Variants in COLQ observed in about 807,000 individuals in gnomAD.
COLQ encodes acetylcholinesterase collagenic tail peptide.
In COLQ, 48 loss-of-function variants were observed where a neutral mutation model predicts 69.0. The ratio of observed to expected loss-of-function variants is 0.70; its 90% CI spans 0.55 to 0.88. The LOEUF (loss-of-function observed/expected upper bound fraction) is 0.88. Among genes scored for constraint, COLQ ranks in the 40% least tolerant of loss-of-function variants. The pLI is 0.00. For missense variants in COLQ, 618 were observed against 594.6 expected (o/e 1.04, Z -0.41); for synonymous variants, 217 against 211.2 (o/e 1.03, Z -0.24).
chr3:15,515,087 T>C lies in COLQ; in HGVS notation c.106+6433A>G, dbSNP rs75149845. Among the ~76,000 whole-genome samples, 516 of 152,316 alleles carry C rather than the reference T, an allele frequency of 3.4e-3. 15 individuals are homozygous for C. The East Asian group carries it at 0.042, about 12-fold the overall frequency. On this transcript the variant is annotated intron_variant, in intron 1 of 16. Coordinates refer to ENST00000383788, the MANE Select transcript of COLQ (RefSeq NM_005677.4). ...GCAGCTGGTTCACAAACTCCGTCTC[T>C]GTCCCACGTGTCTTTCATTCATCTC...
At chr3:15,515,760 C>A (rs1363564406) in intron 1 of COLQ, among the ~76,000 whole-genome samples, 1 of 152,092 alleles carries the variant, frequency 6.6e-6, no homozygotes, top group Non-Finnish European at 1.5e-5. Context: ...GAGCTGAGAT[C>A]GTGCCACTGC....
chr3:15,474,156 C>T (rs753904544), intron 9 of COLQ, 72 bp downstream of exon 9: 26 of 1,596,386 alleles, frequency 1.6e-5, no homozygotes, highest in South Asian at 4.4e-5. Context: ...CATCAGTCCA[C>T]GGATGGGGGT....
chr3:15,454,415 G>T (rs926027125), intron 15 of COLQ, among the ~76,000 whole-genome samples: 2 of 152,126 alleles, frequency 1.3e-5, no homozygotes, highest in Non-Finnish European at 2.9e-5. Context: ...ACGATGGGAG[G>T]GTGTTGGAGT....
intron 1 of COLQ, among the ~76,000 whole-genome samples, chr3:15,493,747 A>G (rs191432160): frequency 6.6e-6 from 1 of 152,218 alleles, no homozygotes; most frequent in Non-Finnish European, 1.5e-5. Flanking sequence ...AGGCTGTGGG[A>G]GGAGTTTCTC....
intron 1 of COLQ, among the ~76,000 whole-genome samples, chr3:15,507,678 C>T (rs1049010274): frequency 3.3e-5 from 5 of 152,152 alleles, no homozygotes; most frequent in African/African-American, 1.2e-4. Context: ...TGGTCTCAAA[C>T]ACTTGGGCTC....
At chr3:15,462,523 C>G (rs2062136177) in intron 12 of COLQ, among the ~76,000 whole-genome samples, 2 of 152,166 alleles carry the variant, frequency 1.3e-5, no homozygotes, top group Non-Finnish European at 2.9e-5. Context: ...ATGGTCCCAC[C>G]CTGCTTGGCT....
At chr3:15,495,496 T>G (rs1425337005) in intron 1 of COLQ, among the ~76,000 whole-genome samples, 1 of 152,210 alleles carries the variant, frequency 6.6e-6, no homozygotes, top group African/African-American at 2.4e-5. Context: ...TTAGCAAGGA[T>G]AGGAGAATGT....
At chr3:15,462,926 G>A (rs1218261919) in intron 12 of COLQ, among the ~76,000 whole-genome samples, 1 of 152,184 alleles carries the variant, frequency 6.6e-6, no homozygotes, top group Non-Finnish European at 1.5e-5. Flanking sequence ...CCTCTGAAGG[G>A]TAGAGGGCAG....
intron 1 of COLQ, 143 bp from the exon 2 acceptor site, chr3:15,489,780 T>C (rs1038620863): frequency 2.7e-5 from 19 of 708,754 alleles, no homozygotes; most frequent in African/African-American, 5.2e-5. Context: ...AGGCCTCCTG[T>C]TGGCTACTTG....
chr3:15,516,569 G>C (rs992011224), intron 1 of COLQ, among the ~76,000 whole-genome samples: 1 of 152,164 alleles, frequency 6.6e-6, no homozygotes. Context: ...AACCACATGT[G>C]TCTGCAGGGT....
At chr3:15,471,594 G>A (rs2062288410) in intron 10 of COLQ, among the ~76,000 whole-genome samples, 1 of 152,200 alleles carries the variant, frequency 6.6e-6, no homozygotes, top group Non-Finnish European at 1.5e-5. Flanking sequence ...ATGAAGAGCT[G>A]CCCAGACACT....
rs758190916 is a variant in COLQ, at chr3:15,474,134, CCATCAGTCCAT to C, written c.600+83_600+93del. ...GGTCATTTTCAAGATGGAGGCCTGT[CCATCAGTCCAT>C]CATCAGTCCACGGATGGGGGTGGGT... On this transcript the variant is annotated intron_variant, in intron 9 of 16. Transcript: ENST00000383788. 5.7e-5 allele frequency: 91 copies of C among 1,592,630 alleles called. No individual in the cohort carries two copies. The African/African-American group carries it at 9.6e-4, about 17-fold the overall frequency.
intron 3 of COLQ, among the ~76,000 whole-genome samples, chr3:15,481,728 T>C (rs2062487097): frequency 6.6e-6 from 1 of 152,216 alleles, no homozygotes; most frequent in South Asian, 2.1e-4. Context: ...AAGTTTAAAG[T>C]AGTTTTTTCC....
chr3:15,472,231 T>G (rs1039660947), intron 10 of COLQ, among the ~76,000 whole-genome samples: 34 of 152,354 alleles, frequency 2.2e-4, no homozygotes, highest in African/African-American at 7.9e-4. Flanking sequence ...ACTGTTGCCC[T>G]GAATGAAAAG....
chr3:15,458,580 C>T (rs1444964450), intron 12 of COLQ, among the ~76,000 whole-genome samples: 2 of 152,154 alleles, frequency 1.3e-5, no homozygotes, highest in Non-Finnish European at 2.9e-5. Flanking sequence ...GTTGCAGCAG[C>T]CGTGTTGCAA....
chr3:15,501,082 A>C (rs1466974587), intron 1 of COLQ, among the ~76,000 whole-genome samples: 1 of 152,194 alleles, frequency 6.6e-6, no homozygotes, highest in African/African-American at 2.4e-5. Flanking sequence ...CTTTGCCCTC[A>C]AGTTCCCTCA....
intron 1 of COLQ, among the ~76,000 whole-genome samples, chr3:15,492,701 A>G (rs575086757): frequency 1.3e-5 from 2 of 152,138 alleles, no homozygotes; most frequent in South Asian, 4.1e-4. Context: ...AAGAGAATTC[A>G]GTTCTAGAAT....
At position 15,458,344 on chromosome 3, in the gene COLQ, C is replaced by T. The variant is rs1037134713; in HGVS notation, c.815-19G>A. The T allele has an allele frequency of 1.9e-6, 3 of 1,613,874 alleles. No homozygotes were observed. Among genetic ancestry groups the T allele is most frequent in the Non-Finnish European group, 2.5e-6 (3 of 1,179,952 alleles). Reference sequence around the variant, plus strand: ...AGTTGTCCTAGGAAGCAACAGACTGCTGTGTTACTAGAGCCAAGGAAGAGA... The same window carrying T: ...AGTTGTCCTAGGAAGCAACAGACTGTTGTGTTACTAGAGCCAAGGAAGAGA... On this transcript the variant is annotated intron_variant, in intron 12 of 16. Coordinates refer to ENST00000383788, the MANE Select transcript of COLQ (RefSeq NM_005677.4).
intron 5 of COLQ, chr3:15,478,682 G>C: frequency 1.8e-6 from 1 of 546,564 alleles, no homozygotes; most frequent in Middle Eastern, 5.0e-4. Context: ...ATGGGTAGCA[G>C]AGTGAGATGG....
Sources: gnomAD v4.1 joint callset for allele counts (sites outside exome capture counted in the v4.1 genomes callset) on GRCh38, gnomAD v4.1.1 for gene constraint, MANE v1.5 for transcripts, NCBI Gene and HGNC (gene_info 2026-07-23, HGNC 2026-07-21) for gene names.